Variants in GRIK1 observed in about 807,000 individuals in gnomAD.
GRIK1 encodes glutamate ionotropic receptor kainate type subunit 1.
A neutral mutation model predicts 105.7 loss-of-function variants in GRIK1; 69 were observed. The ratio of observed to expected loss-of-function variants is 0.65; its 90% confidence interval spans 0.54 to 0.80. The LOEUF is 0.80. Ranked by LOEUF, GRIK1 falls within the 30% of genes least tolerant of loss-of-function variation. The probability of loss-of-function intolerance (pLI) is 0.00; values close to 1 mark genes in which losing one functional copy is unlikely to be tolerated. For synonymous variants in GRIK1, 438 were observed against 431.3 expected, an observed-to-expected ratio of 1.02 and a Z score of -0.19; for missense variants, 1,109 against 1,167.3, an observed-to-expected ratio of 0.95 and a Z score of 0.73.
intron 3 of GRIK1, among the ~76,000 whole-genome samples, chr21:29,687,901 C>T (rs2146706075): frequency 6.6e-6 from 1 of 152,198 alleles, no homozygotes; most frequent in African/African-American, 2.4e-5. Context: ...TTAGATGGTC[C>T]AGCTTTGCTG....
chr21:29,699,125 G>A (rs775047819), intron 1 of GRIK1, among the ~76,000 whole-genome samples: 1 of 152,146 alleles, frequency 6.6e-6, no homozygotes, highest in Non-Finnish European at 1.5e-5. Flanking sequence ...ACTAAACAAA[G>A]GGTATGAGAC....
At chr21:29,888,188 T>TCTTTCTTC (rs1555905499) in intron 1 of GRIK1, among the ~76,000 whole-genome samples, 483 of 14,056 alleles carry the variant, frequency 0.034, 3 homozygotes, top group Middle Eastern at 0.091. Flanking sequence ...TTTCTTCCTT[T>TCTTTCTTC]CTTTCTTTCT....
intron 1 of GRIK1, among the ~76,000 whole-genome samples, chr21:29,706,602 T>A (rs1185775053): frequency 6.6e-6 from 1 of 152,208 alleles, no homozygotes; most frequent in Non-Finnish European, 1.5e-5. Flanking sequence ...CAGAGAAAAT[T>A]TCTTTGTGAA....
intron 1 of GRIK1, among the ~76,000 whole-genome samples, chr21:29,774,520 C>T (rs371697783): frequency 4.1e-5 from 6 of 146,810 alleles, no homozygotes; most frequent in African/African-American, 1.3e-4. Context: ...GGCACGATCT[C>T]GGCTCACTGC....
intron 15 of GRIK1, among the ~76,000 whole-genome samples, chr21:29,558,956 A>G (rs1360539189): frequency 6.6e-6 from 1 of 152,156 alleles, no homozygotes; most frequent in Non-Finnish European, 1.5e-5. Context: ...GTCTCATGTT[A>G]AAGTTCAAAC....
In GRIK1 at chr21:29,705,518, G is replaced by C. The variant is rs1269073844; in HGVS notation, c.119-11455C>G. Among the ~76,000 whole-genome samples the C allele has an allele frequency of 2.6e-5, 4 of 152,170 alleles. No individual in the cohort carries two copies. The East Asian group carries it at 5.8e-4, about 22-fold the overall frequency. ...TGTCTTAAGAAACACTTTTTGAAAA[G>C]TTTGATCTGTAGATCTACTCTCTTT... On this transcript the variant is annotated intron_variant, in intron 1 of 17. Coordinates refer to ENST00000327783, the MANE Select transcript of GRIK1 (RefSeq NM_001330994.2).
chr21:29,543,719 C>G (rs939536179), intron 16 of GRIK1, among the ~76,000 whole-genome samples: 2 of 152,040 alleles, frequency 1.3e-5, no homozygotes, highest in African/African-American at 4.8e-5. Context: ...CTCCTGGGTC[C>G]GTGTAAAGAA....
chr21:29,560,536 C>CTTTCT (rs2090441100), intron 15 of GRIK1, among the ~76,000 whole-genome samples: 1 of 81,604 alleles, frequency 1.2e-5, no homozygotes, highest in African/African-American at 5.6e-5. Flanking sequence ...TTCTTTCTTT[C>CTTTCT]TTTCTTTCTT....
chr21:29,789,355 A>G (rs1363151877), intron 1 of GRIK1, among the ~76,000 whole-genome samples: 1 of 152,056 alleles, frequency 6.6e-6, no homozygotes, highest in African/African-American at 2.4e-5. Flanking sequence ...CCAAACTTCA[A>G]TTAAGTTTCA....
chr21:29,862,241 A>C (rs1569168802), intron 1 of GRIK1, among the ~76,000 whole-genome samples: 1 of 152,024 alleles, frequency 6.6e-6, no homozygotes, highest in African/African-American at 2.4e-5. Context: ...TCTTGCCTTG[A>C]CCTTTCAAAT....
At chr21:29,642,100 A>G (rs1410358267) in intron 7 of GRIK1, among the ~76,000 whole-genome samples, 1 of 152,170 alleles carries the variant, frequency 6.6e-6, no homozygotes, top group Non-Finnish European at 1.5e-5. Flanking sequence ...TCTTATCATC[A>G]AGTCCAGACA....
chr21:29,574,633 G>T (rs1601156666), intron 14 of GRIK1, among the ~76,000 whole-genome samples: 1 of 149,008 alleles, frequency 6.7e-6, no homozygotes, highest in Non-Finnish European at 1.5e-5. Context: ...ACTGTCCAAA[G>T]AAGAAACAAT....
chr21:29,928,920 C>T (rs767638194), intron 1 of GRIK1, among the ~76,000 whole-genome samples: 2 of 152,080 alleles, frequency 1.3e-5, no homozygotes, highest in Non-Finnish European at 2.9e-5. Context: ...AAATAGAAAG[C>T]GAGGAAACTC....
At chr21:29,630,546 G>A (rs1290456415) in intron 7 of GRIK1, 4 of 471,540 alleles carry the variant, frequency 8.5e-6, no homozygotes, top group Non-Finnish European at 1.3e-5. Flanking sequence ...AAGGGAACAA[G>A]CTGCCAATAA....
chr21:29,766,795 A>G lies in GRIK1; in HGVS notation c.119-72732T>C, dbSNP rs536025866. On this transcript the variant is annotated intron_variant, in intron 1 of 17. Coordinates refer to ENST00000327783, the MANE Select transcript of GRIK1 (RefSeq NM_001330994.2). ...CTCCCCCAGGGCCGCATGTACTTTGAAAACAGTCTCTTTGAAATGGCTTCC... is the reference window on the plus strand; with the variant it reads ...CTCCCCCAGGGCCGCATGTACTTTGGAAACAGTCTCTTTGAAATGGCTTCC... 2.6e-5 allele frequency among the ~76,000 whole-genome samples: 4 copies of G among 152,340 alleles called. No homozygotes were observed. The South Asian group carries it at 8.3e-4, about 32-fold the overall frequency.
At chr21:29,653,044 AT>A (rs1277826708) in intron 5 of GRIK1, among the ~76,000 whole-genome samples, 1 of 152,118 alleles carries the variant, frequency 6.6e-6, no homozygotes, top group Admixed American at 6.5e-5. Flanking sequence ...CTAAGTAACT[AT>A]TTTTTTCTTT....
chr21:29,826,003 A>G (rs1362180414), intron 1 of GRIK1, among the ~76,000 whole-genome samples: 1 of 152,108 alleles, frequency 6.6e-6, no homozygotes, highest in Admixed American at 6.6e-5. Context: ...GTGCCTCCAC[A>G]GGCACTCTTC....
intron 15 of GRIK1, among the ~76,000 whole-genome samples, chr21:29,556,518 C>T (rs2090260332): frequency 6.6e-6 from 1 of 152,086 alleles, no homozygotes; most frequent in African/African-American, 2.4e-5. Context: ...TCTTTGTTGT[C>T]TCATATTGTG....
At chr21:29,603,545 A>C (rs974759418) in intron 7 of GRIK1, among the ~76,000 whole-genome samples, 4 of 152,220 alleles carry the variant, frequency 2.6e-5, no homozygotes, top group Non-Finnish European at 5.9e-5. Flanking sequence ...GAATACAAGT[A>C]GGAGGTGTCC....
Sources: gnomAD v4.1 joint callset for allele counts (sites outside exome capture counted in the v4.1 genomes callset) on GRCh38, gnomAD v4.1.1 for gene constraint, MANE v1.5 for transcripts, NCBI Gene and HGNC (gene_info 2026-07-23, HGNC 2026-07-21) for gene names.